ABR: variants seen among roughly 807,000 people sequenced by gnomAD.
ABR encodes active breakpoint cluster region-related protein.
Under a neutral mutation model 107.2 loss-of-function variants are expected in ABR, and 35 were observed. The observed-to-expected ratio is 0.33, with a 90% confidence interval of 0.25 to 0.43. ABR has a LOEUF of 0.43. ABR is among the 20% of genes least tolerant of loss of function. ABR has a pLI of 1.00. For synonymous variants in ABR, 498 were observed against 462.0 expected (o/e 1.08, Z -1.00); for missense variants, 815 against 1,115.2 (o/e 0.73, Z 3.83).
At chr17:1,203,205 T>C (rs2042704096) in intron 1 of ABR, among the ~76,000 whole-genome samples, 1 of 152,048 alleles carries the variant, frequency 6.6e-6, no homozygotes, top group Non-Finnish European at 1.5e-5. Flanking sequence ...TTAAAAGGTC[T>C]TTCACTTGCC....
Position 1,124,037 on chromosome 17 carries a change from G to T in ABR, c.246+1146C>A, listed in dbSNP as rs1380540767. Among the ~76,000 whole-genome samples the T allele has an allele frequency of 3.3e-5, 5 of 152,116 alleles. No homozygotes were observed. The East Asian group carries it at 9.7e-4, about 29-fold the overall frequency. On this transcript the variant is annotated intron_variant, in intron 2 of 22. Coordinates refer to ENST00000302538, the MANE Select transcript of ABR (RefSeq NM_021962.5). ...CTGGACTGCCGCTAAACTCGGCCTC[G>T]GCCTCTGTTGCCATGGCAGCAATGT... is the stretch of plus-strand genomic sequence containing the variant.
chr17:1,151,869 A>G (rs1327871373), intron 1 of ABR, among the ~76,000 whole-genome samples: 2 of 152,224 alleles, frequency 1.3e-5, no homozygotes, highest in African/African-American at 4.8e-5. Context: ...AATACAAAAA[A>G]GTTAGCCGGG....
At chr17:1,201,402 C>T (rs536035510) in intron 1 of ABR, among the ~76,000 whole-genome samples, 102 of 152,254 alleles carry the variant, frequency 6.7e-4, no homozygotes, top group Non-Finnish European at 1.1e-3. Flanking sequence ...CCCCGCACAG[C>T]GCCTGTTCCC....
intron 1 of ABR, among the ~76,000 whole-genome samples, chr17:1,202,129 T>G (rs1056161555): frequency 1.3e-5 from 2 of 152,182 alleles, no homozygotes; most frequent in African/African-American, 4.8e-5. Context: ...TATTTATTTT[T>G]CGAAACAGAG....
intron 7 of ABR, 40 bp from the exon 8 acceptor site, chr17:1,072,794 G>A (rs780594440): frequency 6.3e-7 from 1 of 1,596,102 alleles, no homozygotes; most frequent in East Asian, 2.3e-5. Context: ...GAGCGGCTCT[G>A]GGGCCTGATG....
At chr17:1,180,529 C>A (rs571193703), upstream of ABR, among the ~76,000 whole-genome samples, 1 of 152,326 alleles carries the variant, frequency 6.6e-6, no homozygotes, top group Non-Finnish European at 1.5e-5. Flanking sequence ...CCCGGGAGGA[C>A]CGAAGTCACG....
intron 1 of ABR, among the ~76,000 whole-genome samples, chr17:1,144,431 C>T (rs552048865): frequency 6.6e-6 from 1 of 152,208 alleles, no homozygotes; most frequent in East Asian, 1.9e-4. Context: ...CTGGGTCCCG[C>T]GTCCAGACCT....
chr17:1,174,988 C>A (rs2041868078), intron 1 of ABR, among the ~76,000 whole-genome samples: 1 of 151,982 alleles, frequency 6.6e-6, no homozygotes, highest in South Asian at 2.1e-4. Context: ...GGCTACTCCG[C>A]TCCCATTTAA....
At chr17:1,215,810 C>T (rs573882228) in intron 1 of ABR, among the ~76,000 whole-genome samples, 1 of 144,936 alleles carries the variant, frequency 6.9e-6, no homozygotes, top group South Asian at 2.2e-4. Flanking sequence ...ACATAGGAGA[C>T]TCCATTTTGT....
Position 1,179,741 on chromosome 17 carries a change from C to T in ABR, c.-14G>A. 1 of 1,513,802 alleles carries T rather than the reference C, an allele frequency of 6.6e-7. No homozygotes were observed. Among genetic ancestry groups the T allele is most frequent in the Non-Finnish European group, 8.9e-7 (1 of 1,128,586 alleles). The allele number at this position is 1,513,802 out of a possible 1,614,324, so 93.8% of individuals were successfully genotyped here. On this transcript the variant is annotated 5_prime_UTR_variant, in exon 1 of 23. Coordinates refer to ENST00000302538, the MANE Select transcript of ABR (RefSeq NM_021962.5). This position sits in a 1 kb window ranked among gnomAD's most constrained non-coding sequence, Gnocchi z 4.9. The stretch of plus-strand genomic sequence containing the variant: ...GAGCGGCTCCATCCCGCGGCGGCGG[C>T]TCGGTCAGATCCGAAACCCGACCCT...
At chr17:1,180,129 G>T (rs1017713051), upstream of ABR, among the ~76,000 whole-genome samples, 1 of 151,748 alleles carries the variant, frequency 6.6e-6, no homozygotes, top group Admixed American at 6.5e-5. Flanking sequence ...CCGGGCTAAG[G>T]GGGCAGCGGG....
chr17:1,227,964 G>T (rs34009414), intron 1 of ABR, among the ~76,000 whole-genome samples: 24,376 of 152,156 alleles, frequency 0.16, 2,217 homozygotes, highest in Non-Finnish European at 0.21. Flanking sequence ...CTAAGATCAG[G>T]CCCTGTCCTC....
intron 16 of ABR, among the ~76,000 whole-genome samples, chr17:1,042,945 G>A (rs2030899282): frequency 6.6e-6 from 1 of 152,208 alleles, no homozygotes; most frequent in Non-Finnish European, 1.5e-5. Context: ...ACATGAGGAG[G>A]ACAAATGCTG....
intron 18 of ABR, 62 bp downstream of exon 18, chr17:1,012,626 C>G: frequency 7.8e-7 from 1 of 1,285,476 alleles, no homozygotes; most frequent in South Asian, 1.3e-5. Context: ...GGCTGGGGGG[C>G]CCGGGCTGGG....
chr17:1,076,728 G>C (rs867752355), intron 6 of ABR, among the ~76,000 whole-genome samples: 1,382 of 117,862 alleles, frequency 0.012, 48 homozygotes, highest in South Asian at 0.033. Flanking sequence ...GGGGGTGGGG[G>C]TGGGGGGGGT....
intron 1 of ABR, among the ~76,000 whole-genome samples, chr17:1,131,225 CT>C (rs71148436): frequency 9.0e-6 from 1 of 110,956 alleles, no homozygotes; most frequent in Admixed American, 9.2e-5. Flanking sequence ...CAGCTCCCCC[CT>C]CTTTGCACAC....
intron 1 of ABR, among the ~76,000 whole-genome samples, chr17:1,193,009 T>C (rs928545789): frequency 1.3e-5 from 2 of 152,084 alleles, no homozygotes; most frequent in African/African-American, 4.8e-5. Context: ...GATTGCGCCA[T>C]TGCACTCCAG....
At chr17:1,013,593 G>A (rs2070849385) in intron 16 of ABR, among the ~76,000 whole-genome samples, 1 of 152,252 alleles carries the variant, frequency 6.6e-6, no homozygotes, top group Non-Finnish European at 1.5e-5. Context: ...AAGTCCATCA[G>A]GAGGGAACCA....
At chr17:1,138,486 G>GA (rs2040168177) in intron 1 of ABR, among the ~76,000 whole-genome samples, 1 of 151,212 alleles carries the variant, frequency 6.6e-6, no homozygotes. Context: ...TTTGTTTTTT[G>GA]TTTTTTTTAG....
Sources: gnomAD v4.1 joint callset for allele counts (sites outside exome capture counted in the v4.1 genomes callset) on GRCh38, gnomAD v4.1.1 for gene constraint, Gnocchi (gnomAD v3.1) non-coding constraint, MANE v1.5 for transcripts, NCBI Gene and HGNC (gene_info 2026-07-23, HGNC 2026-07-21) for gene names.